Variants in STK39 observed in about 807,000 individuals in gnomAD.
STK39 encodes the protein serine/threonine kinase 39.
In STK39, 20 loss-of-function variants were observed where a neutral mutation model predicts 77.8. The observed-to-expected ratio is 0.26, with a 90% CI of 0.18 to 0.37. STK39 has a LOEUF of 0.37. Among genes scored for constraint, STK39 ranks in the 10% least tolerant of loss-of-function variants. The pLI is 1.00. For synonymous variants in STK39, 246 were observed against 234.1 expected (o/e 1.05, Z -0.47); for missense variants, 479 against 656.5 (o/e 0.73, Z 2.95).
intron 17 of STK39, among the ~76,000 whole-genome samples, chr2:167,961,501 C>T (rs1691958825): frequency 6.6e-6 from 1 of 152,248 alleles, no homozygotes; most frequent in Middle Eastern, 3.4e-3. Flanking sequence ...GATTCACCTA[C>T]TTACAAAACT....
chr2:168,214,749 T>C (rs1227867958), intron 1 of STK39, among the ~76,000 whole-genome samples: 1 of 152,140 alleles, frequency 6.6e-6, no homozygotes, highest in African/African-American at 2.4e-5. Context: ...AGTAAGGGAA[T>C]AAGGATAAAA....
intron 15 of STK39, among the ~76,000 whole-genome samples, chr2:168,016,055 G>A (rs561211577): frequency 1.1e-4 from 16 of 152,040 alleles, no homozygotes; most frequent in Non-Finnish European, 1.2e-4. Context: ...AGCCTCCCAA[G>A]TAGCTGGGAC....
At chr2:168,040,034 A>G (rs1225202734) in intron 14 of STK39, among the ~76,000 whole-genome samples, 1 of 152,060 alleles carries the variant, frequency 6.6e-6, no homozygotes, top group Non-Finnish European at 1.5e-5. Flanking sequence ...ACTCAGTACC[A>G]TCTCTGGGCT....
intron 10 of STK39, among the ~76,000 whole-genome samples, chr2:168,088,218 A>T (rs1007954456): frequency 6.6e-6 from 1 of 152,230 alleles, no homozygotes; most frequent in Non-Finnish European, 1.5e-5. Flanking sequence ...AACATTTCAG[A>T]ATAACTTTTA....
intron 16 of STK39, among the ~76,000 whole-genome samples, chr2:167,981,063 G>T (rs1184397744): frequency 1.3e-5 from 2 of 151,114 alleles, no homozygotes; most frequent in African/African-American, 4.9e-5. Context: ...AAAAAAAAAT[G>T]AAAGACTTGA....
chr2:168,208,191 A>C (rs1175981817), intron 1 of STK39, among the ~76,000 whole-genome samples: 1 of 152,174 alleles, frequency 6.6e-6, no homozygotes, highest in Non-Finnish European at 1.5e-5. Flanking sequence ...CTCTCTCCTA[A>C]TCCCATTGAG....
At chr2:168,162,241 G>C (rs1239671329) in intron 4 of STK39, among the ~76,000 whole-genome samples, 1 of 137,696 alleles carries the variant, frequency 7.3e-6, no homozygotes, top group Non-Finnish European at 1.5e-5. Context: ...AGCCAACACC[G>C]TGCCACTGCA....
Position 168,063,796 on chromosome 2 carries a change from A to C in STK39, c.1306-226T>G, listed in dbSNP as rs917475916. ...ATGAATGTTTCATATGGAAAGCCTC[A>C]GTTCTAGGATGGGTATCATAAACAA... On this transcript the variant is annotated intron_variant, in intron 13 of 17. Coordinates refer to ENST00000355999, the MANE Select transcript of STK39 (RefSeq NM_013233.3). Among the ~76,000 whole-genome samples the C allele has an allele frequency of 2.6e-5, 4 of 152,224 alleles. No homozygotes were observed. The East Asian group carries it at 5.8e-4, about 22-fold the overall frequency.
chr2:168,092,104 A>G (rs1253476461), intron 10 of STK39, among the ~76,000 whole-genome samples: 1 of 152,238 alleles, frequency 6.6e-6, no homozygotes, highest in East Asian at 1.9e-4. Flanking sequence ...TCTTAGAGCC[A>G]TCATATCCAC....
intron 10 of STK39, among the ~76,000 whole-genome samples, chr2:168,079,663 C>A (rs1289732820): frequency 1.3e-5 from 2 of 152,170 alleles, no homozygotes; most frequent in Non-Finnish European, 2.9e-5. Flanking sequence ...CCACCCTAGA[C>A]CCACAAAATC....
chr2:168,209,629 G>A (rs1393385041), intron 1 of STK39, among the ~76,000 whole-genome samples: 1 of 152,004 alleles, frequency 6.6e-6, no homozygotes, highest in African/African-American at 2.4e-5. Context: ...GGAGTGAGCC[G>A]AGATCGCACC....
At chr2:168,133,983 T>C (rs191002083) in intron 8 of STK39, among the ~76,000 whole-genome samples, 48 of 152,374 alleles carry the variant, frequency 3.2e-4, no homozygotes, top group African/African-American at 1.1e-3. Context: ...TTTTATTTTA[T>C]GCCATAGCAA....
At chr2:168,140,418 A>G in intron 6 of STK39, 28 bp from the exon 7 acceptor site, 2 of 1,575,238 alleles carry the variant, frequency 1.3e-6, no homozygotes, top group Non-Finnish European at 1.7e-6. Flanking sequence ...AAAAAAACAC[A>G]ATCATACAGC....
chr2:167,971,521 T>C (rs949849458), intron 16 of STK39, among the ~76,000 whole-genome samples: 2 of 152,212 alleles, frequency 1.3e-5, no homozygotes, highest in African/African-American at 4.8e-5. Flanking sequence ...GCCAATATTT[T>C]AGGTAAAAAT....
At chr2:167,969,274 C>T (rs1479326470) in intron 16 of STK39, among the ~76,000 whole-genome samples, 5 of 152,276 alleles carry the variant, frequency 3.3e-5, no homozygotes, top group East Asian at 1.9e-4. Context: ...CTCCTCCGAG[C>T]CCTCTTTCTA....
intron 10 of STK39, among the ~76,000 whole-genome samples, chr2:168,114,784 AAGCATCTACAACC>A (rs1164888911): frequency 7.9e-6 from 1 of 127,154 alleles, no homozygotes; most frequent in East Asian, 2.5e-4. Flanking sequence ...ACCTCATAAC[AAGCATCTACAACC>A]AGAAGCCAGG....
rs553315335 is a variant in STK39, at chr2:168,042,705, G to A, written c.1376+20795C>T. Among the ~76,000 whole-genome samples, 16 of 151,688 alleles carry A rather than the reference G, an allele frequency of 1.1e-4. No homozygotes were observed. In the East Asian group the frequency reaches 2.1e-3, roughly 20 times the overall value. The stretch of plus-strand genomic sequence containing the variant: ...AAGCAGTTCTCTGCCTCAGCCTCCC[G>A]AGTAGCTGGGATTACAGGCGCCTGC... On this transcript the variant is annotated intron_variant, in intron 14 of 17. Coordinates refer to ENST00000355999, the MANE Select transcript of STK39 (RefSeq NM_013233.3).
intron 10 of STK39, among the ~76,000 whole-genome samples, chr2:168,080,382 C>T (rs984497358): frequency 9.2e-5 from 14 of 152,166 alleles, no homozygotes; most frequent in African/African-American, 3.4e-4. Flanking sequence ...GTAATCCCAG[C>T]ACTTTGGGAG....
intron 1 of STK39, among the ~76,000 whole-genome samples, chr2:168,214,744 G>A (rs886741767): frequency 2.0e-5 from 3 of 152,180 alleles, no homozygotes. Flanking sequence ...GCACGAGTAA[G>A]GGAATAAGGA....
Sources: allele counts gnomAD v4.1 joint callset (sites outside exome capture counted in the v4.1 genomes callset), GRCh38; gene constraint gnomAD v4.1.1; transcripts MANE v1.5; gene names NCBI Gene and HGNC (gene_info 2026-07-23, HGNC 2026-07-21).